ZMIZ1: variants seen among roughly 807,000 people sequenced by gnomAD.
The protein encoded by ZMIZ1 is zinc finger MIZ-type containing 1.
Under a neutral mutation model 113.9 loss-of-function variants are expected in ZMIZ1, and 17 were observed. The ratio of observed to expected loss-of-function variants is 0.15; its 90% CI spans 0.10 to 0.22. ZMIZ1 has a LOEUF of 0.22. Among genes scored for constraint, ZMIZ1 ranks in the 10% least tolerant of loss-of-function variants. The pLI is 1.00. For synonymous variants in ZMIZ1, 607 were observed against 603.1 expected (o/e 1.01, Z -0.09); for missense variants, 1,059 against 1,477.8 (o/e 0.72, Z 4.65).
intron 3 of ZMIZ1, among the ~76,000 whole-genome samples, chr10:79,154,239 T>G (rs979085673): frequency 6.6e-6 from 1 of 152,078 alleles, no homozygotes; most frequent in Non-Finnish European, 1.5e-5. Flanking sequence ...CCCTTTGGGT[T>G]TGTGTCCCCT....
intron 1 of ZMIZ1, among the ~76,000 whole-genome samples, chr10:79,077,648 C>T (rs1842519974): frequency 6.6e-6 from 1 of 152,192 alleles, no homozygotes; most frequent in Non-Finnish European, 1.5e-5. Flanking sequence ...CATGCTTTTC[C>T]CAGACTGCCT....
At chr10:79,189,614 G>A (rs938360678) in intron 4 of ZMIZ1, among the ~76,000 whole-genome samples, 7 of 152,334 alleles carry the variant, frequency 4.6e-5, no homozygotes, top group African/African-American at 1.7e-4. Flanking sequence ...GCAAGCCCAG[G>A]CAGCCTGGTG....
chr10:79,289,165 A>T (rs1174691820), intron 8 of ZMIZ1, among the ~76,000 whole-genome samples: 1 of 151,964 alleles, frequency 6.6e-6, no homozygotes, highest in African/African-American at 2.4e-5. Context: ...GAAAATGTAC[A>T]TGAGAGATCG....
At chr10:79,124,099 C>T (rs1354017820) in intron 2 of ZMIZ1, among the ~76,000 whole-genome samples, 1 of 152,216 alleles carries the variant, frequency 6.6e-6, no homozygotes, top group Non-Finnish European at 1.5e-5. Context: ...GTAGGATGCC[C>T]CTCTAGGTCA....
chr10:79,166,848 G>T (rs181488487), intron 4 of ZMIZ1, among the ~76,000 whole-genome samples: 134 of 152,326 alleles, frequency 8.8e-4, no homozygotes, highest in African/African-American at 3.2e-3. Context: ...AAGCTCCCTC[G>T]GTCCCCGGCC....
intron 2 of ZMIZ1, among the ~76,000 whole-genome samples, chr10:79,134,797 A>T (rs1346987800): frequency 6.6e-6 from 1 of 152,252 alleles, no homozygotes; most frequent in Non-Finnish European, 1.5e-5. Context: ...AGTAAAAAAA[A>T]AAGTAATTGG....
At chr10:79,258,513 C>G (rs1851059826) in intron 7 of ZMIZ1, among the ~76,000 whole-genome samples, 1 of 152,236 alleles carries the variant, frequency 6.6e-6, no homozygotes, top group Non-Finnish European at 1.5e-5. Flanking sequence ...TCGGGCAGCA[C>G]AAATCAACAT....
intron 1 of ZMIZ1, among the ~76,000 whole-genome samples, chr10:79,093,554 T>C (rs1174824137): frequency 3.9e-5 from 6 of 152,258 alleles, no homozygotes; most frequent in African/African-American, 1.2e-4. Context: ...CTTGAACTCC[T>C]GACCTCAAGT....
intron 8 of ZMIZ1, among the ~76,000 whole-genome samples, chr10:79,278,482 G>A (rs185370968): frequency 3.0e-4 from 45 of 150,298 alleles, no homozygotes; most frequent in African/African-American, 9.3e-4. Context: ...GGTGTTTCTC[G>A]GAGAGGGGGA....
At chr10:79,285,095 G>C (rs1193942483) in intron 8 of ZMIZ1, among the ~76,000 whole-genome samples, 2 of 152,176 alleles carry the variant, frequency 1.3e-5, no homozygotes, top group African/African-American at 4.8e-5. Flanking sequence ...CTGGAGAGGG[G>C]AGCGTTGCCT....
chr10:79,085,091 G>A (rs980004140), intron 1 of ZMIZ1, among the ~76,000 whole-genome samples: 6 of 152,190 alleles, frequency 3.9e-5, no homozygotes, highest in African/African-American at 1.4e-4. Context: ...GAGGGCCACA[G>A]GTCCTGTGGT....
At chr10:79,258,492 T>C (rs1851057467) in intron 7 of ZMIZ1, among the ~76,000 whole-genome samples, 1 of 152,270 alleles carries the variant, frequency 6.6e-6, no homozygotes, top group Non-Finnish European at 1.5e-5. Flanking sequence ...ATGTGGCCCC[T>C]GCCTCCTGTT....
chr10:79,151,619 A>C (rs2132453389), intron 3 of ZMIZ1, among the ~76,000 whole-genome samples: 1 of 152,278 alleles, frequency 6.6e-6, no homozygotes, highest in South Asian at 2.1e-4. Flanking sequence ...GCCTGTCCGC[A>C]AGGCTGGAGA....
chr10:79,214,219 A>T (rs1414704673), intron 6 of ZMIZ1, among the ~76,000 whole-genome samples: 1 of 152,144 alleles, frequency 6.6e-6, no homozygotes, highest in South Asian at 2.1e-4. Context: ...TATGGTGAGG[A>T]TGTCCCAGAG....
At chr10:79,294,678 C>T (rs1476309739) in intron 12 of ZMIZ1, 1 of 152,224 alleles carries the variant, frequency 6.6e-6, no homozygotes, top group African/African-American at 2.4e-5. Context: ...CCTGGTTGCT[C>T]CCCACGACCA....
intron 7 of ZMIZ1, among the ~76,000 whole-genome samples, chr10:79,245,437 G>A (rs1014787774): frequency 2.6e-5 from 4 of 152,224 alleles, no homozygotes; most frequent in East Asian, 1.9e-4. Context: ...GGTGCCTGGC[G>A]GATGGTGGGT....
In ZMIZ1 at chr10:79,313,755, G is replaced by A. The variant is rs1011970842; in HGVS notation, c.*1006G>A. On this transcript the variant is annotated 3_prime_UTR_variant, in exon 25 of 25. Transcript: ENST00000334512. ...GCAAGCAAACCATTTCTCTCCGTCT[G>A]TTCTGTTTTTCTCCTAGTCCCTCTC... is the stretch of plus-strand genomic sequence containing the variant. 3 of 323,942 alleles carry A rather than the reference G, an allele frequency of 9.3e-6. No homozygotes were observed. Among genetic ancestry groups the A allele is most frequent in the Non-Finnish European group, 1.8e-5 (3 of 163,524 alleles). The allele number at this position is 323,942 out of a possible 1,614,324, so 20.1% of individuals were successfully genotyped here. A position where few individuals can be genotyped will look rare whatever the true frequency, so the allele number is the denominator to read the frequency against.
chr10:79,207,487 GGAACCACCCCTT>G (rs1554816825), intron 5 of ZMIZ1, among the ~76,000 whole-genome samples: 1 of 152,154 alleles, frequency 6.6e-6, no homozygotes, highest in Non-Finnish European at 1.5e-5. Context: ...GGGGGGCATG[GGAACCACCCCTT>G]TGCTTTGCAC....
intron 8 of ZMIZ1, among the ~76,000 whole-genome samples, chr10:79,286,569 C>T (rs1198144134): frequency 1.3e-5 from 2 of 152,276 alleles, no homozygotes; most frequent in African/African-American, 4.8e-5. Context: ...CAGGGCCTCG[C>T]GTGTGTGCAC....
Sources: allele counts gnomAD v4.1 joint callset (sites outside exome capture counted in the v4.1 genomes callset), GRCh38; gene constraint gnomAD v4.1.1; transcripts MANE v1.5; gene names NCBI Gene and HGNC (gene_info 2026-07-23, HGNC 2026-07-21).